MYO1B: variants seen among roughly 807,000 people sequenced by gnomAD.
The protein encoded by MYO1B is myosin IB.
A neutral mutation model predicts 159.7 loss-of-function variants in MYO1B; 72 were observed. The observed-to-expected ratio is 0.45, with a 90% CI of 0.37 to 0.55. The LOEUF (loss-of-function observed/expected upper bound fraction) is 0.55, where lower values mean the gene tolerates loss of function less well. Ranked by LOEUF, MYO1B falls within the 20% of genes least tolerant of loss-of-function variation. The pLI is 0.00. For synonymous variants in MYO1B, 468 were observed against 473.8 expected (o/e 0.99, Z 0.16); for missense variants, 1,062 against 1,364.8 (o/e 0.78, Z 3.50).
At chr2:191,362,431 G>A in intron 9 of MYO1B, 60 bp downstream of exon 9, 1 of 1,277,876 alleles carries the variant, frequency 7.8e-7, no homozygotes, top group Non-Finnish European at 1.1e-6. Context: ...CTCAGCGGGA[G>A]CTGGTAGCAA....
At chr2:191,279,994 C>CG (rs1559136449) in intron 2 of MYO1B, among the ~76,000 whole-genome samples, 1 of 152,126 alleles carries the variant, frequency 6.6e-6, no homozygotes, top group Non-Finnish European at 1.5e-5. Flanking sequence ...AGCTCTAAAT[C>CG]GGGGGGTTCA....
intron 20 of MYO1B, 60 bp from the exon 21 acceptor site, chr2:191,396,369 C>T (rs1205348980): frequency 6.5e-7 from 1 of 1,550,088 alleles, no homozygotes. Context: ...CTTTCTCAAT[C>T]CTTGTATGCG....
intron 1 of MYO1B, among the ~76,000 whole-genome samples, chr2:191,275,693 GTATT>G (rs1172209812): frequency 6.6e-6 from 1 of 152,194 alleles, no homozygotes; most frequent in African/African-American, 2.4e-5. Flanking sequence ...ATATATGTAA[GTATT>G]TATTAGTATT....
At chr2:191,370,393 T>C (rs980561058) in intron 13 of MYO1B, 101 bp downstream of exon 13, 12 of 797,318 alleles carry the variant, frequency 1.5e-5, no homozygotes, top group Non-Finnish European at 2.5e-5. Flanking sequence ...TAACTTTGAA[T>C]CTACAAATAA....
intron 2 of MYO1B, among the ~76,000 whole-genome samples, chr2:191,293,805 T>C (rs1430819845): frequency 6.6e-6 from 1 of 152,196 alleles, no homozygotes; most frequent in Non-Finnish European, 1.5e-5. Context: ...CATCTGGGAA[T>C]GCAGCTCAGT....
At chr2:191,304,075 G>C (rs141713508) in intron 3 of MYO1B, among the ~76,000 whole-genome samples, 46 of 152,296 alleles carry the variant, frequency 3.0e-4, no homozygotes, top group African/African-American at 8.4e-4. Context: ...ACTTAGGCGA[G>C]TTTCATATCA....
intron 3 of MYO1B, among the ~76,000 whole-genome samples, chr2:191,315,421 G>A (rs1690288081): frequency 1.3e-5 from 2 of 152,098 alleles, no homozygotes; most frequent in South Asian, 4.1e-4. Flanking sequence ...GTATTTTATA[G>A]TCAATGTAAT....
intron 2 of MYO1B, among the ~76,000 whole-genome samples, chr2:191,281,403 G>A (rs999281680): frequency 4.6e-5 from 7 of 152,320 alleles, no homozygotes; most frequent in East Asian, 1.9e-4. Context: ...CCATCTTGGC[G>A]GAGTGTGGTT....
intron 4 of MYO1B, among the ~76,000 whole-genome samples, chr2:191,340,128 A>G (rs1692116319): frequency 6.6e-6 from 1 of 152,162 alleles, no homozygotes; most frequent in Non-Finnish European, 1.5e-5. Context: ...TCTTCTGCCA[A>G]CATAAAATAG....
intron 2 of MYO1B, among the ~76,000 whole-genome samples, chr2:191,295,648 A>G (rs1391640551): frequency 6.6e-6 from 1 of 152,144 alleles, no homozygotes; most frequent in Admixed American, 6.5e-5. Flanking sequence ...CCAGTGCCAA[A>G]GGGAAGGCCC....
intron 2 of MYO1B, among the ~76,000 whole-genome samples, chr2:191,282,105 A>G (rs563041726): frequency 9.2e-5 from 14 of 152,362 alleles, no homozygotes; most frequent in African/African-American, 3.4e-4. Context: ...TTTCAAAACC[A>G]CTTTTCATTT....
intron 17 of MYO1B, among the ~76,000 whole-genome samples, chr2:191,389,884 T>C (rs1308060861): frequency 5.3e-5 from 8 of 152,222 alleles, no homozygotes; most frequent in Non-Finnish European, 1.0e-4. Context: ...AAGATTCCCT[T>C]GTGTCCCTTG....
intron 21 of MYO1B, among the ~76,000 whole-genome samples, chr2:191,399,469 T>A (rs925025730): frequency 1.8e-4 from 28 of 152,228 alleles, no homozygotes; most frequent in African/African-American, 6.5e-4. Context: ...AGCGATAGAC[T>A]GTGTGACCTT....
chr2:191,394,882 C>T (rs761397838), intron 20 of MYO1B, among the ~76,000 whole-genome samples: 1 of 152,008 alleles, frequency 6.6e-6, no homozygotes, highest in Non-Finnish European at 1.5e-5. Flanking sequence ...TAATAATAGC[C>T]CCAGTTTTAG....
chr2:191,341,427 G>C, intron 4 of MYO1B, 34 bp from the exon 5 acceptor site: 1 of 1,575,068 alleles, frequency 6.3e-7, no homozygotes, highest in Non-Finnish European at 8.7e-7. Context: ...AAATTTCTGT[G>C]TTATTGATTA....
At chr2:191,283,867 A>G (rs1433455797) in intron 2 of MYO1B, among the ~76,000 whole-genome samples, 1 of 152,242 alleles carries the variant, frequency 6.6e-6, no homozygotes, top group Admixed American at 6.5e-5. Context: ...GCAATCTGAA[A>G]ATGACCTGGA....
intron 3 of MYO1B, among the ~76,000 whole-genome samples, chr2:191,304,720 T>A (rs1489440588): frequency 1.3e-5 from 2 of 152,248 alleles, no homozygotes; most frequent in Non-Finnish European, 2.9e-5. Flanking sequence ...AATGTTTTTA[T>A]CATGAAAATT....
intron 25 of MYO1B, among the ~76,000 whole-genome samples, chr2:191,408,503 G>A (rs1404844008): frequency 6.6e-6 from 1 of 152,164 alleles, no homozygotes; most frequent in East Asian, 1.9e-4. Flanking sequence ...AAACTGCCAT[G>A]AGCTGTGGCA....
intron 18 of MYO1B, 67 bp downstream of exon 18, chr2:191,390,559 C>T: frequency 2.0e-6 from 3 of 1,497,056 alleles, no homozygotes; most frequent in Non-Finnish European, 2.7e-6. Flanking sequence ...GGTGTTTTTT[C>T]ACATGCTGTT....
Sources: allele counts gnomAD v4.1 joint callset (sites outside exome capture counted in the v4.1 genomes callset), GRCh38; gene constraint gnomAD v4.1.1; transcripts MANE v1.5; gene names NCBI Gene and HGNC (gene_info 2026-07-23, HGNC 2026-07-21).